The following SAMD11 variants were observed in gnomAD, a reference collection of about 807,000 sequenced individuals.
SAMD11 encodes sterile alpha motif domain containing 11, also known as sterile alpha motif domain-containing protein 11.
A neutral mutation model predicts 64.4 loss-of-function variants in SAMD11; 77 were observed. The observed-to-expected ratio is 1.20, with a 90% CI of 0.99 to 1.44. The LOEUF (loss-of-function observed/expected upper bound fraction) is 1.44, where lower values mean the gene tolerates loss of function less well. Among genes scored for constraint, SAMD11 ranks in the 40% most tolerant of loss-of-function variants. The pLI, the probability that SAMD11 is intolerant of heterozygous loss-of-function variation, is 0.00. For synonymous variants in SAMD11, 658 were observed against 421.9 expected, an observed-to-expected ratio of 1.56 and a Z score of -6.86; for missense variants, 1,402 against 943.3, an observed-to-expected ratio of 1.49 and a Z score of -6.37.
At chr1:931,199 G>A (rs1641157163) in intron 4 of SAMD11, 110 bp downstream of exon 4, 1 of 992,358 alleles carries the variant, frequency 1.0e-6, no homozygotes, top group Non-Finnish European at 1.5e-6. Context: ...GTGAGCTGAT[G>A]CTGTGATGCT....
intron 8 of SAMD11, 30 bp from the exon 9 acceptor site, chr1:942,106 G>A (rs530956264): frequency 3.0e-5 from 20 of 670,410 alleles, no homozygotes; most frequent in Middle Eastern, 4.2e-4. Flanking sequence ...GGGGCGGGGG[G>A]GACGCCGCTC....
In SAMD11 at chr1:944,216, C is replaced by T. The variant is rs1015296379; in HGVS notation, c.*63C>T. 3.4e-6 allele frequency: 5 copies of T among 1,478,206 alleles called. No individual in the cohort carries two copies. Among genetic ancestry groups the T allele is most frequent in the South Asian group, 1.5e-5 (1 of 65,730 alleles). 91.6% of individuals were successfully genotyped at this position (1,478,206 alleles called of 1,614,324 possible). ...AGGAGCCACCACTCAACACAATGGC[C>T]CTGCCTCCCACCGCTTTATTTCTTT... On this transcript the variant is annotated 3_prime_UTR_variant, in exon 14 of 14. Coordinates refer to ENST00000616016, the MANE Select transcript of SAMD11 (RefSeq NM_001385641.1).
At chr1:935,341 G>T (rs1261390407) in intron 4 of SAMD11, among the ~76,000 whole-genome samples, 1 of 152,146 alleles carries the variant, frequency 6.6e-6, no homozygotes, top group Non-Finnish European at 1.5e-5. Context: ...GAAATCGGGG[G>T]TCAGGGGATG....
At chr1:941,430 G>A in intron 8 of SAMD11, 124 bp downstream of exon 8, 3 of 1,045,552 alleles carry the variant, frequency 2.9e-6, no homozygotes, top group South Asian at 1.7e-5. Context: ...TCGGGTCCGG[G>A]CAGAGCGTTT....
chr1:926,165 C>T (rs1357488037), intron 2 of SAMD11, 152 bp downstream of exon 2: 9 of 751,814 alleles, frequency 1.2e-5, no homozygotes, highest in East Asian at 1.1e-4. Context: ...AGCGGCTTTA[C>T]CTCGTGCTCT....
chr1:930,441 T>C, intron 3 of SAMD11, 105 bp downstream of exon 3: 1 of 1,228,088 alleles, frequency 8.1e-7, no homozygotes, highest in South Asian at 1.6e-5. Flanking sequence ...CTCCCACACC[T>C]TCCCTCAGAT....
Position 935,864 on chromosome 1 carries a change from G to C in SAMD11, c.935G>C (p.Arg312Thr), listed in dbSNP as rs138268010. 3.7e-6 allele frequency: 6 copies of C among 1,613,102 alleles called. No individual in the cohort carries two copies. The South Asian group carries it at 6.6e-5, about 18-fold the overall frequency. ...PEHQSRCEFQ[R>T]GSLEIGLRPA... ...CATCAGAGCCGCTGTGAATTCCAGAGAGGCAGCCTGGAGATTGGCCTGCGA... is the reference window on the plus strand; with the variant it reads ...CATCAGAGCCGCTGTGAATTCCAGACAGGCAGCCTGGAGATTGGCCTGCGA... The change falls in exon 5 of 14, where the codon AGA becomes ACA. Residue 312 changes from arginine to threonine, a missense_variant. Coordinates refer to ENST00000616016, the MANE Select transcript of SAMD11 (RefSeq NM_001385641.1).
intron 13 of SAMD11, 27 bp from the exon 14 acceptor site, chr1:943,881 A>G (rs1641984423): frequency 1.2e-6 from 2 of 1,612,940 alleles, no homozygotes; most frequent in Non-Finnish European, 1.7e-6. Context: ...GGTGTGCGAC[A>G]GCCCCCACCA....
At chr1:935,586 C>T (rs1052073557) in intron 4 of SAMD11, among the ~76,000 whole-genome samples, 186 bp from the exon 5 acceptor site, 8 of 152,224 alleles carry the variant, frequency 5.3e-5, no homozygotes, top group African/African-American at 1.2e-4. Context: ...GTCGCTTTGA[C>T]TCGGGTGCTG....
At position 942,589 on chromosome 1, in the gene SAMD11, GA is replaced by G; in HGVS notation, c.1586del (p.Lys529ArgfsTer35). 7.0e-7 allele frequency: 1 copy of G among 1,420,626 alleles called. No homozygotes were observed. Among genetic ancestry groups the G allele is most frequent in the Non-Finnish European group, 9.1e-7 (1 of 1,095,572 alleles). 88.0% of individuals were successfully genotyped at this position (1,420,626 alleles called of 1,614,324 possible). ...AGCTGCCCGCCGACCTCCTGCGGCA[GA>G]AGGAGCTGGAGAGCGCGCGCCCACA... ...LELPADLLRQ[K>X]ELESARPQLL... is the part of the protein sequence containing the mutation. On this transcript the variant is annotated frameshift_variant, in exon 11 of 14. Coordinates refer to ENST00000616016, the MANE Select transcript of SAMD11 (RefSeq NM_001385641.1). LOFTEE classifies it high-confidence loss of function.
chr1:930,615 A>G (rs1209260476), intron 3 of SAMD11, among the ~76,000 whole-genome samples: 1 of 152,224 alleles, frequency 6.6e-6, no homozygotes, highest in Non-Finnish European at 1.5e-5. Context: ...CCGACGCTCC[A>G]GCTACCCTTG....
intron 8 of SAMD11, 40 bp from the exon 9 acceptor site, chr1:942,096 G>C (rs1011945726): frequency 1.6e-6 from 1 of 608,892 alleles, no homozygotes; most frequent in Non-Finnish European, 2.6e-6. Flanking sequence ...TACGGGAACG[G>C]GGGCGGGGGG....
At chr1:936,723 A>G (rs1641472554) in intron 5 of SAMD11, among the ~76,000 whole-genome samples, 1 of 152,098 alleles carries the variant, frequency 6.6e-6, no homozygotes, top group African/African-American at 2.4e-5. Context: ...TCCCCCATCC[A>G]TGGCCCCCAT....
rs528303144 is a variant in SAMD11 at position 937,506 on chromosome 1, G to A, written c.968-1534G>A. On this transcript the variant is annotated intron_variant, in intron 5 of 13. Transcript: ENST00000616016. ...ACAATGGAAAAGTGATTGCCAGGAG[G>A]TGAGAGGCCTTGCTAACCCTGAGGG... is the stretch of plus-strand genomic sequence containing the variant. 2.2e-4 allele frequency among the ~76,000 whole-genome samples: 34 copies of A among 152,240 alleles called. 1 individual carries two copies. Among genetic ancestry groups the A allele is most frequent in the Admixed American group, 2.0e-3 (31 of 15,300 alleles).
rs553804060 is a variant in SAMD11, at chr1:943,778, G to A, written c.2259G>A (p.Lys753=). The change falls in exon 13 of 14, where the codon AAG becomes AAA. Residue 753 remains lysine (K), a synonymous_variant. Coordinates refer to ENST00000616016, the MANE Select transcript of SAMD11 (RefSeq NM_001385641.1). The part of the protein sequence containing the change: ...EEHLLTNMGL[K]LGPALKIRAQ... ...ACCTGCTGACCAACATGGGGCTGAA[G>A]CTGGGGCCCGCCCTCAAGATCCGGG... 1.2e-6 allele frequency: 2 copies of A among 1,612,486 alleles called. No homozygotes were observed. Among genetic ancestry groups the A allele is most frequent in the African/African-American group, 1.3e-5 (1 of 74,886 alleles).
intron 2 of SAMD11, among the ~76,000 whole-genome samples, chr1:929,035 C>T (rs574923943): frequency 2.0e-5 from 3 of 152,344 alleles, no homozygotes; most frequent in Admixed American, 1.3e-4. Context: ...TGCCACCTCC[C>T]GGAGCCAGCG....
chr1:939,675 T>TG (rs568899935), intron 7 of SAMD11, among the ~76,000 whole-genome samples: 55 of 152,120 alleles, frequency 3.6e-4, no homozygotes, highest in Non-Finnish European at 7.8e-4. Context: ...TAGAGAGAAA[T>TG]GGAGTCTGGG....
intron 2 of SAMD11, among the ~76,000 whole-genome samples, chr1:927,706 C>T (rs954043822): frequency 2.6e-5 from 4 of 152,364 alleles, no homozygotes; most frequent in African/African-American, 9.6e-5. Flanking sequence ...GGACCCTGCA[C>T]AGGGGCCCTG....
chr1:937,369 G>C (rs994200123), intron 5 of SAMD11, among the ~76,000 whole-genome samples: 1 of 151,416 alleles, frequency 6.6e-6, no homozygotes, highest in South Asian at 2.1e-4. Flanking sequence ...GCCTTCCTGC[G>C]GTCTCATTGC....
Sources: allele counts gnomAD v4.1 joint callset (sites outside exome capture counted in the v4.1 genomes callset), GRCh38; gene constraint gnomAD v4.1.1; transcripts MANE v1.5; gene names NCBI Gene and HGNC (gene_info 2026-07-23, HGNC 2026-07-21).